The following ROBO2 variants were observed in gnomAD, a reference collection of about 807,000 sequenced individuals.
The protein encoded by ROBO2 is roundabout guidance receptor 2.
In ROBO2, 53 loss-of-function variants were observed where a neutral mutation model predicts 160.8. That is an observed-to-expected ratio of 0.33 (90% CI 0.26 to 0.41). The LOEUF (loss-of-function observed/expected upper bound fraction) is 0.41, where lower values mean the gene tolerates loss of function less well. Among genes scored for constraint, ROBO2 ranks in the 10% least tolerant of loss-of-function variants. The pLI, the probability that ROBO2 is intolerant of heterozygous loss-of-function variation, is 1.00. For synonymous variants in ROBO2, 664 were observed against 611.7 expected (o/e 1.09, Z -1.26); for missense variants, 1,577 against 1,722.4 (o/e 0.92, Z 1.49).
intron 2 of ROBO2, among the ~76,000 whole-genome samples, chr3:76,257,872 T>C (rs891287307): frequency 6.6e-6 from 1 of 152,166 alleles, no homozygotes. Flanking sequence ...GGGGGAAAGA[T>C]AGAACAATGT....
chr3:75,955,298 T>C (rs777544696), intron 2 of ROBO2, among the ~76,000 whole-genome samples: 3 of 151,858 alleles, frequency 2.0e-5, no homozygotes, highest in Admixed American at 1.3e-4. Context: ...GAGTGTTTAG[T>C]TGAATTCCAG....
intron 2 of ROBO2, among the ~76,000 whole-genome samples, chr3:76,457,178 C>G (rs973087091): frequency 6.6e-6 from 1 of 152,194 alleles, no homozygotes; most frequent in Non-Finnish European, 1.5e-5. Flanking sequence ...AGTCCAAAGT[C>G]TCATCTGAGA....
At chr3:77,301,784 T>G (rs1020652228) in intron 2 of ROBO2, among the ~76,000 whole-genome samples, 2 of 152,244 alleles carry the variant, frequency 1.3e-5, no homozygotes, top group Non-Finnish European at 2.9e-5. Flanking sequence ...GGTGTAGTGG[T>G]TAAATGTATC....
intron 2 of ROBO2, among the ~76,000 whole-genome samples, chr3:76,293,997 C>T (rs542792645): frequency 6.6e-6 from 1 of 152,176 alleles, no homozygotes; most frequent in Non-Finnish European, 1.5e-5. Flanking sequence ...CAGCCTGTCT[C>T]CGATGTTCAT....
intron 2 of ROBO2, among the ~76,000 whole-genome samples, chr3:75,945,916 T>C (rs533118440): frequency 6.6e-6 from 1 of 152,266 alleles, no homozygotes; most frequent in South Asian, 2.1e-4. Flanking sequence ...GCAGTGGTAA[T>C]GAGTTAATAT....
chr3:77,040,896 C>T, intron 1 of ROBO2, 50 bp downstream of exon 1: 2 of 1,608,794 alleles, frequency 1.2e-6, no homozygotes, highest in East Asian at 2.2e-5. Flanking sequence ...CCCCCCAATC[C>T]CCCAAAACCA....
intron 2 of ROBO2, among the ~76,000 whole-genome samples, chr3:77,226,854 G>T (rs571579589): frequency 6.6e-6 from 1 of 152,234 alleles, no homozygotes; most frequent in East Asian, 1.9e-4. Context: ...TTGTACAGGT[G>T]CTCAAATACA....
intron 2 of ROBO2, among the ~76,000 whole-genome samples, chr3:77,299,817 A>C (rs1290792846): frequency 6.6e-6 from 1 of 152,112 alleles, no homozygotes; most frequent in Non-Finnish European, 1.5e-5. Flanking sequence ...ACAGAGAGGG[A>C]CGATAGAGTG....
chr3:76,509,298 G>A lies in ROBO2; in HGVS notation c.109+571696G>A, dbSNP rs142116984. ...TCAATCACACCCATTCTGTTTGAAC[G>A]TTTTGGTGATAAATTTTACTCACCC... On this transcript the variant is annotated intron_variant, in intron 2 of 26. Transcript: ENST00000487694. Among the ~76,000 whole-genome samples the A allele has an allele frequency of 7.5e-3, 1,141 of 152,152 alleles. 16 individuals are homozygous for A. The highest frequency in any genetic ancestry group is 0.026 in the African/African-American group (1,097 of 41,512).
At chr3:76,666,679 CA>C (rs2092059939) in intron 2 of ROBO2, among the ~76,000 whole-genome samples, 2 of 152,006 alleles carry the variant, frequency 1.3e-5, no homozygotes, top group African/African-American at 4.8e-5. Context: ...ATCCCACCAT[CA>C]AAACCTTCCT....
chr3:76,994,134 G>A (rs1227289195), intron 2 of ROBO2, among the ~76,000 whole-genome samples: 1 of 151,556 alleles, frequency 6.6e-6, no homozygotes, highest in Non-Finnish European at 1.5e-5. Context: ...GAGTGCACAA[G>A]GCTATCTGCA....
At chr3:76,652,472 ATTCTG>A (rs2091298419) in intron 2 of ROBO2, among the ~76,000 whole-genome samples, 1 of 152,064 alleles carries the variant, frequency 6.6e-6, no homozygotes, top group African/African-American at 2.4e-5. Flanking sequence ...TGGACACCAC[ATTCTG>A]TCCTCTTTAC....
At chr3:76,272,723 C>CTAT (rs1187825348) in intron 2 of ROBO2, among the ~76,000 whole-genome samples, 9 of 48,740 alleles carry the variant, frequency 1.8e-4, no homozygotes, top group Non-Finnish European at 4.5e-4. Context: ...ATATTATATA[C>CTAT]ACATATAAAT....
At chr3:77,527,058 A>G (rs1223018800) in intron 6 of ROBO2, among the ~76,000 whole-genome samples, 1 of 151,470 alleles carries the variant, frequency 6.6e-6, no homozygotes, top group Admixed American at 6.6e-5. Context: ...CTGTGACTTG[A>G]ATAGTTATAT....
chr3:77,547,564 A>G (rs993098573), intron 7 of ROBO2, among the ~76,000 whole-genome samples: 1 of 152,136 alleles, frequency 6.6e-6, no homozygotes, highest in African/African-American at 2.4e-5. Context: ...GGAAGCCTGT[A>G]GAAGTTCTGT....
intron 2 of ROBO2, among the ~76,000 whole-genome samples, chr3:77,216,926 G>C (rs1427191972): frequency 1.3e-5 from 2 of 151,982 alleles, no homozygotes; most frequent in African/African-American, 4.8e-5. Flanking sequence ...AGGGAGACCA[G>C]GGCATAAAGC....
At chr3:76,854,061 TCTC>T (rs2069753913) in intron 2 of ROBO2, among the ~76,000 whole-genome samples, 1 of 86,284 alleles carries the variant, frequency 1.2e-5, no homozygotes, top group Admixed American at 1.2e-4. Context: ...TCTCTCTCTC[TCTC>T]TCTTTCTCTG....
At chr3:76,539,343 C>G (rs912151823) in intron 2 of ROBO2, among the ~76,000 whole-genome samples, 2 of 150,268 alleles carry the variant, frequency 1.3e-5, no homozygotes, top group African/African-American at 5.0e-5. Context: ...CACATGTATC[C>G]CAAAACTTTA....
chr3:76,499,810 A>T (rs2107625876), intron 2 of ROBO2, among the ~76,000 whole-genome samples: 1 of 152,282 alleles, frequency 6.6e-6, no homozygotes, highest in Non-Finnish European at 1.5e-5. Flanking sequence ...ATCCCCCTAA[A>T]GATCTACAAT....
Sources: allele counts gnomAD v4.1 joint callset (sites outside exome capture counted in the v4.1 genomes callset), GRCh38; gene constraint gnomAD v4.1.1; transcripts MANE v1.5; gene names NCBI Gene and HGNC (gene_info 2026-07-23, HGNC 2026-07-21).